The following ZNF469 variants were observed in gnomAD, a reference collection of about 807,000 sequenced individuals.
The protein encoded by ZNF469 is zinc finger protein 469.
ZNF469 carries 1 observed loss-of-function variant against 1.0 expected under a neutral mutation model. The ratio of observed to expected loss-of-function variants is 1.00; its 90% confidence interval spans 0.35 to 4.73. The LOEUF (loss-of-function observed/expected upper bound fraction) is 4.73. ZNF469 is among the 30% of genes most tolerant of loss of function. The pLI is 0.16. For synonymous variants in ZNF469, 2,703 were observed against 2,363.4 expected (o/e 1.14, Z -4.17); for missense variants, 6,100 against 5,356.3 (o/e 1.14, Z -4.33).
chr16:88,204,529 G>T, the ZNF469 span, among the ~76,000 whole-genome samples: 3 of 152,232 alleles, frequency 2.0e-5, no homozygotes, highest in African/African-American at 4.8e-5. Flanking sequence ...AGGGAGGCAG[G>T]TAGAGGAGAG....
chr16:88,413,578 C>T (rs942409638), intron 1 of ZNF469, among the ~76,000 whole-genome samples: 2 of 152,250 alleles, frequency 1.3e-5, no homozygotes, highest in Admixed American at 6.5e-5. Flanking sequence ...GAAGTGATTC[C>T]GTCCAGAGTG....
intron 1 of ZNF469, among the ~76,000 whole-genome samples, chr16:88,415,608 C>G (rs978993662): frequency 1.6e-4 from 25 of 152,234 alleles, no homozygotes; most frequent in Non-Finnish European, 7.3e-5. Context: ...GGTGGCCACC[C>G]AGACAGGATG....
chr16:88,380,334 C>A (rs2092517971), upstream of ZNF469, among the ~76,000 whole-genome samples: 1 of 69,200 alleles, frequency 1.4e-5, no homozygotes, highest in South Asian at 5.9e-4. Context: ...CATGCACTCA[C>A]ACATGCGCTC....
At chr16:88,274,061 C>G in the ZNF469 span, among the ~76,000 whole-genome samples, 1 of 152,300 alleles carries the variant, frequency 6.6e-6, no homozygotes, top group African/African-American at 2.4e-5. Flanking sequence ...CCTCGGCCTC[C>G]CAAAGTGCTG....
chr16:88,260,528 G>A, the ZNF469 span, among the ~76,000 whole-genome samples: 22 of 152,276 alleles, frequency 1.4e-4, no homozygotes, highest in African/African-American at 5.3e-4. This position sits in a 1 kb window ranked among gnomAD's most constrained non-coding sequence, Gnocchi z 4.1. Context: ...GGAGGACGCC[G>A]CTCTCACAAA....
chr16:88,276,001 A>C, the ZNF469 span, among the ~76,000 whole-genome samples: 2 of 152,190 alleles, frequency 1.3e-5, no homozygotes, highest in South Asian at 4.1e-4. Context: ...CGACCCCGGC[A>C]GGACCACAGC....
At chr16:88,251,951 A>G in the ZNF469 span, among the ~76,000 whole-genome samples, 1 of 149,738 alleles carries the variant, frequency 6.7e-6, no homozygotes, top group African/African-American at 2.5e-5. Flanking sequence ...GCAGCCATGG[A>G]TCTGGGCTAA....
chr16:88,157,169 G>T, the ZNF469 span, among the ~76,000 whole-genome samples: 2 of 151,738 alleles, frequency 1.3e-5, no homozygotes, highest in Non-Finnish European at 2.9e-5. Flanking sequence ...CGGCGCCACC[G>T]AGGGACATGC....
the ZNF469 span, among the ~76,000 whole-genome samples, chr16:88,350,897 C>T: frequency 6.6e-6 from 1 of 152,246 alleles, no homozygotes; most frequent in East Asian, 1.9e-4. Context: ...AAGGACCCAG[C>T]CCCGCCAACA....
chr16:88,242,693 C>G, the ZNF469 span, among the ~76,000 whole-genome samples: 1 of 152,280 alleles, frequency 6.6e-6, no homozygotes, highest in Admixed American at 6.5e-5. Context: ...TCCTAGGCAG[C>G]AGCGGGTTGA....
At chr16:88,232,162 A>G in the ZNF469 span, among the ~76,000 whole-genome samples, 2 of 152,220 alleles carry the variant, frequency 1.3e-5, no homozygotes, top group Non-Finnish European at 2.9e-5. Flanking sequence ...CTGAGGCTGC[A>G]ACAGTTCCCA....
At chr16:88,405,602 A>G (rs1005173987) in intron 1 of ZNF469, among the ~76,000 whole-genome samples, 16 of 152,204 alleles carry the variant, frequency 1.1e-4, no homozygotes, top group Middle Eastern at 3.2e-3. Context: ...TCCCCAGGGA[A>G]GTGAACACCA....
rs1229458946 is a variant in ZNF469 at position 88,433,077 on chromosome 16, G to A, written c.5607G>A (p.Arg1869=). The part of the protein sequence containing the change: ...PAGASSLTAP[R]GREAWLVPVP... ...GGGCCTCCTCACTGACTGCCCCCCG[G>A]GGCAGGGAGGCTTGGTTGGTCCCTG... The change falls in exon 3 of 3, where the codon CGG becomes CGA. Residue 1869 remains arginine, a synonymous_variant. Transcript: ENST00000565624. The A allele has an allele frequency of 1.3e-6, 2 of 1,550,266 alleles. No individual in the cohort carries two copies. Among genetic ancestry groups the A allele is most frequent in the South Asian group, 2.4e-5 (2 of 84,058 alleles).
the ZNF469 span, among the ~76,000 whole-genome samples, chr16:88,238,277 A>G: frequency 6.6e-6 from 1 of 152,344 alleles, no homozygotes; most frequent in Non-Finnish European, 1.5e-5. Context: ...CCCCGTGGGA[A>G]GGGAGAGAGG....
At chr16:88,247,079 GTGAA>G in the ZNF469 span, among the ~76,000 whole-genome samples, 1 of 150,880 alleles carries the variant, frequency 6.6e-6, no homozygotes, top group East Asian at 2.0e-4. Flanking sequence ...GACTGAGTGA[GTGAA>G]TGACTGAGTG....
chr16:88,387,614 CTG>C (rs1407276337), intron 1 of ZNF469, among the ~76,000 whole-genome samples: 1 of 152,174 alleles, frequency 6.6e-6, no homozygotes, highest in Non-Finnish European at 1.5e-5. Flanking sequence ...GAAGTGGTCT[CTG>C]AGAATCACAC....
the ZNF469 span, among the ~76,000 whole-genome samples, chr16:88,354,274 T>C: frequency 1.3e-5 from 2 of 152,138 alleles, no homozygotes; most frequent in East Asian, 1.9e-4. Flanking sequence ...AAGCAAGGGA[T>C]GGTGCCTGGC....
chr16:88,195,695 G>A, the ZNF469 span, among the ~76,000 whole-genome samples: 1 of 152,248 alleles, frequency 6.6e-6, no homozygotes, highest in African/African-American at 2.4e-5. Flanking sequence ...AAAGGGGGAA[G>A]AGGGCTCTTG....
chr16:88,105,130 A>G, the ZNF469 span, among the ~76,000 whole-genome samples: 6 of 152,098 alleles, frequency 3.9e-5, no homozygotes, highest in Non-Finnish European at 5.9e-5. Flanking sequence ...CTGAGGCGGG[A>G]GGAACAGTTG....
Sources: allele counts gnomAD v4.1 joint callset (sites outside exome capture counted in the v4.1 genomes callset), GRCh38; gene constraint gnomAD v4.1.1; non-coding constraint Gnocchi (gnomAD v3.1); transcripts MANE v1.5; gene names NCBI Gene and HGNC (gene_info 2026-07-23, HGNC 2026-07-21).